NFIB: variants seen among roughly 807,000 people sequenced by gnomAD.
NFIB encodes the protein nuclear factor I B.
In NFIB, 11 loss-of-function variants were observed where a neutral mutation model predicts 61.5. That is an observed-to-expected ratio of 0.18 (90% CI 0.11 to 0.30). The LOEUF is 0.30. Among genes scored for constraint, NFIB ranks in the 10% least tolerant of loss-of-function variants. The pLI is 1.00. For missense variants in NFIB, 471 were observed against 608.9 expected (o/e 0.77, Z 2.38); for synonymous variants, 260 against 216.5 (o/e 1.20, Z -1.76).
At chr9:14,394,441 G>C (rs147256296) in intron 1 of NFIB, among the ~76,000 whole-genome samples, 1 of 152,186 alleles carries the variant, frequency 6.6e-6, no homozygotes, top group South Asian at 2.1e-4. Flanking sequence ...CATAATAATG[G>C]TGGAAGGCAA....
chr9:14,141,512 C>T (rs938239637), intron 6 of NFIB, among the ~76,000 whole-genome samples: 2 of 151,996 alleles, frequency 1.3e-5, no homozygotes, highest in Admixed American at 6.6e-5. Flanking sequence ...CTCTCATAAT[C>T]TTATTTATTT....
At chr9:14,113,188 A>C (rs1257453975) in intron 9 of NFIB, 107 bp from the exon 10 acceptor site, 11 of 860,566 alleles carry the variant, frequency 1.3e-5, no homozygotes, top group Non-Finnish European at 1.9e-5. Flanking sequence ...ACCAAAAAAA[A>C]AAAGTGTCTT....
intron 2 of NFIB, among the ~76,000 whole-genome samples, chr9:14,220,025 T>C (rs1046763400): frequency 6.6e-6 from 1 of 152,158 alleles, no homozygotes; most frequent in Admixed American, 6.5e-5. Flanking sequence ...CAACAGGCCC[T>C]CGTCCCTGGT....
chr9:14,094,462 C>T (rs2034464458), intron 10 of NFIB: 1 of 152,054 alleles, frequency 6.6e-6, no homozygotes, highest in East Asian at 1.9e-4. Flanking sequence ...ATGAGGCTAG[C>T]CTGGAAGTGA....
chr9:14,419,169 T>C, the NFIB span, among the ~76,000 whole-genome samples: 15 of 151,904 alleles, frequency 9.9e-5, no homozygotes, highest in African/African-American at 3.6e-4. Flanking sequence ...CTCGGTGCTT[T>C]GAAAGGTTTT....
At chr9:14,204,585 G>C (rs1587583926) in intron 2 of NFIB, 1 of 1,212,536 alleles carries the variant, frequency 8.2e-7, no homozygotes, top group East Asian at 2.4e-5. Context: ...AAGAAGCAGA[G>C]GCTGTTGGCC....
At chr9:14,141,432 T>C (rs1001841209) in intron 6 of NFIB, among the ~76,000 whole-genome samples, 5 of 152,220 alleles carry the variant, frequency 3.3e-5, no homozygotes, top group African/African-American at 4.8e-5. Context: ...TGCCAATTTA[T>C]TGATTTTATG....
chr9:14,408,269 A>G, the NFIB span, among the ~76,000 whole-genome samples: 1 of 152,178 alleles, frequency 6.6e-6, no homozygotes, highest in African/African-American at 2.4e-5. Flanking sequence ...GCCTCTTTTT[A>G]TTTATACAGA....
intron 2 of NFIB, among the ~76,000 whole-genome samples, chr9:14,218,741 G>A (rs1325872739): frequency 1.3e-5 from 2 of 152,222 alleles, no homozygotes; most frequent in African/African-American, 4.8e-5. Flanking sequence ...GAAATTGGAA[G>A]TGGACTTATT....
the NFIB span, among the ~76,000 whole-genome samples, chr9:14,497,705 T>A: frequency 6.6e-6 from 1 of 152,216 alleles, no homozygotes; most frequent in African/African-American, 2.4e-5. Flanking sequence ...GCTTTATCCC[T>A]GGAGAGCTGT....
intron 1 of NFIB, among the ~76,000 whole-genome samples, chr9:14,320,373 C>T (rs1376135569): frequency 6.6e-6 from 1 of 152,162 alleles, no homozygotes; most frequent in Non-Finnish European, 1.5e-5. Context: ...CTGTGTTCCT[C>T]ATCACTTAGG....
chr9:14,266,345 C>T (rs1271403154), intron 2 of NFIB, among the ~76,000 whole-genome samples: 1 of 152,174 alleles, frequency 6.6e-6, no homozygotes, highest in East Asian at 1.9e-4. Flanking sequence ...AATCCCAGCA[C>T]TTTCAGAGGC....
intron 1 of NFIB, among the ~76,000 whole-genome samples, chr9:14,309,072 C>A (rs185317306): frequency 1.3e-5 from 2 of 152,152 alleles, no homozygotes; most frequent in East Asian, 3.8e-4. Context: ...GTCAGCCCAA[C>A]GACAAAATAA....
At chr9:14,421,869 A>G in the NFIB span, among the ~76,000 whole-genome samples, 5 of 152,346 alleles carry the variant, frequency 3.3e-5, no homozygotes, top group East Asian at 9.6e-4. Context: ...AGAAATTTTA[A>G]TAGATATTCA....
chr9:14,446,932 C>T, the NFIB span, among the ~76,000 whole-genome samples: 1 of 152,044 alleles, frequency 6.6e-6, no homozygotes, highest in Non-Finnish European at 1.5e-5. Flanking sequence ...TCACATAATT[C>T]CATCTGAAAT....
At chr9:14,280,055 G>C (rs2058267354) in intron 2 of NFIB, among the ~76,000 whole-genome samples, 1 of 152,112 alleles carries the variant, frequency 6.6e-6, no homozygotes, top group East Asian at 1.9e-4. Flanking sequence ...ATGACAGGTA[G>C]AATCCAGGAT....
In NFIB at chr9:14,084,409, TCA is replaced by T. The variant is rs1055507388; in HGVS notation, c.*3898_*3899del. The T allele has an allele frequency of 2.7e-5, 6 of 224,586 alleles. No homozygotes were observed. The highest frequency in any genetic ancestry group is 2.3e-4 in the Admixed American group (4 of 17,456). The allele number at this position is 224,586 out of a possible 1,614,324, so 13.9% of individuals were successfully genotyped here. On this transcript the variant is annotated 3_prime_UTR_variant, in exon 11 of 11. Coordinates refer to ENST00000380953, the MANE Select transcript of NFIB (RefSeq NM_001190737.2). ...GCTACTTGCAGCTTCACAGATTCAT[TCA>T]CATATTTTTTAATGGAGCTGCCCAC...
intron 10 of NFIB, among the ~76,000 whole-genome samples, chr9:14,097,077 C>T (rs1201876385): frequency 6.6e-6 from 1 of 152,150 alleles, no homozygotes; most frequent in Admixed American, 6.5e-5. Flanking sequence ...AAAACCATAT[C>T]AAGATCATTT....
At chr9:14,135,293 T>C (rs542282279) in intron 6 of NFIB, among the ~76,000 whole-genome samples, 8 of 152,282 alleles carry the variant, frequency 5.3e-5, no homozygotes, top group South Asian at 2.1e-4. Context: ...GCTGACAATA[T>C]TGAATCCTGT....
Sources: gnomAD v4.1 joint callset for allele counts (sites outside exome capture counted in the v4.1 genomes callset) on GRCh38, gnomAD v4.1.1 for gene constraint, MANE v1.5 for transcripts, NCBI Gene and HGNC (gene_info 2026-07-23, HGNC 2026-07-21) for gene names.